The following GLIS3 variants were observed in gnomAD, a reference collection of about 807,000 sequenced individuals.
The protein encoded by GLIS3 is zinc finger protein GLIS3.
Under a neutral mutation model 78.6 loss-of-function variants are expected in GLIS3, and 53 were observed. The observed-to-expected ratio is 0.67, with a 90% CI of 0.54 to 0.85. The LOEUF (loss-of-function observed/expected upper bound fraction) is 0.85. GLIS3 is among the 40% of genes least tolerant of loss of function. The pLI is 0.00. For synonymous variants in GLIS3, 684 were observed against 509.9 expected, an observed-to-expected ratio of 1.34 and a Z score of -4.60; for missense variants, 1,703 against 1,231.1, an observed-to-expected ratio of 1.38 and a Z score of -5.74.
At chr9:3,939,770 G>GA (rs111450488) in intron 4 of GLIS3, among the ~76,000 whole-genome samples, 3,050 of 152,252 alleles carry the variant, frequency 0.02, 99 homozygotes, top group African/African-American at 0.07. Flanking sequence ...AAAGGCAGAA[G>GA]AAGAAAGGCA....
chr9:3,925,094 A>C, intron 6 of GLIS3, among the ~76,000 whole-genome samples: 1 of 152,186 alleles, frequency 6.6e-6, no homozygotes, highest in Non-Finnish European at 1.5e-5. Flanking sequence ...GGGGAATAGA[A>C]ATAAAACTAC....
intron 4 of GLIS3, among the ~76,000 whole-genome samples, chr9:4,092,243 C>T (rs1829580144): frequency 6.6e-6 from 1 of 151,284 alleles, no homozygotes; most frequent in Non-Finnish European, 1.5e-5. Context: ...GCCTCGCCTC[C>T]TGGGTTCACA....
chr9:4,289,188 T>TA (rs1184226875), intron 1 of GLIS3, among the ~76,000 whole-genome samples: 1 of 152,180 alleles, frequency 6.6e-6, no homozygotes, highest in African/African-American at 2.4e-5. Flanking sequence ...TTTCTGGACT[T>TA]ACAGTTTTTC....
Position 3,919,661 on chromosome 9 carries a change from T to A in GLIS3, c.1983+12699A>T, listed in dbSNP as rs891622714. ...GAAGTTAAAAAATAAAAAAAAAAAA[T>A]TAAAAATAAAAAAAAATAATAAAAT... is the stretch of plus-strand genomic sequence containing the variant. On this transcript the variant is annotated intron_variant, in intron 6 of 10. Coordinates refer to ENST00000381971, the MANE Select transcript of GLIS3 (RefSeq NM_001042413.2). Among the ~76,000 whole-genome samples the A allele has an allele frequency of 1.0e-4, 15 of 149,332 alleles. No individual in the cohort carries two copies. The East Asian group carries it at 2.4e-3, about 23-fold the overall frequency.
chr9:4,425,973 T>C, the GLIS3 span, among the ~76,000 whole-genome samples: 316 of 152,190 alleles, frequency 2.1e-3, 1 homozygote, highest in African/African-American at 7.4e-3. Context: ...TTGCAAAGGG[T>C]ATTTGATCAA....
intron 4 of GLIS3, among the ~76,000 whole-genome samples, chr9:4,018,678 G>A (rs1156709557): frequency 6.6e-6 from 1 of 152,126 alleles, no homozygotes; most frequent in Non-Finnish European, 1.5e-5. Context: ...TCTGAGATAT[G>A]ATAGTCCCTT....
intron 6 of GLIS3, among the ~76,000 whole-genome samples, chr9:3,911,714 T>C (rs1359195003): frequency 2.0e-5 from 3 of 152,192 alleles, no homozygotes; most frequent in Non-Finnish European, 4.4e-5. Context: ...GTTTTCTTTG[T>C]AAGATGTGGA....
At chr9:4,354,850 C>G in the GLIS3 span, among the ~76,000 whole-genome samples, 1 of 152,198 alleles carries the variant, frequency 6.6e-6, no homozygotes, top group South Asian at 2.1e-4. Flanking sequence ...GACATGGTGG[C>G]TCATGCCTGT....
chr9:4,387,063 C>G, the GLIS3 span, among the ~76,000 whole-genome samples: 2 of 152,120 alleles, frequency 1.3e-5, no homozygotes, highest in African/African-American at 4.8e-5. Context: ...GCTTGATGGT[C>G]TCTAGGCAAC....
the GLIS3 span, among the ~76,000 whole-genome samples, chr9:4,362,585 T>C: frequency 6.6e-6 from 1 of 152,322 alleles, no homozygotes; most frequent in Middle Eastern, 3.4e-3. Context: ...TTGCTCATGG[T>C]CATGTGTTTG....
intron 2 of GLIS3, among the ~76,000 whole-genome samples, chr9:4,244,868 G>A (rs1823652829): frequency 1.3e-5 from 2 of 152,270 alleles, no homozygotes; most frequent in African/African-American, 2.4e-5. Flanking sequence ...AAGCCACCAT[G>A]CCTGACCACA....
chr9:4,489,492 C>G, the GLIS3 span, among the ~76,000 whole-genome samples: 1 of 152,108 alleles, frequency 6.6e-6, no homozygotes, highest in East Asian at 1.9e-4. Context: ...AAGAAGACCG[C>G]TTACAGCTGC....
chr9:4,425,437 G>T, the GLIS3 span, among the ~76,000 whole-genome samples: 21,653 of 152,192 alleles, frequency 0.14, 1,950 homozygotes, highest in Middle Eastern at 0.22. Flanking sequence ...CCTGCCCTCA[G>T]TCACCTCAGC....
At chr9:4,365,858 CA>C in the GLIS3 span, among the ~76,000 whole-genome samples, 1 of 152,234 alleles carries the variant, frequency 6.6e-6, no homozygotes, top group Non-Finnish European at 1.5e-5. Context: ...TCTTTTAAAA[CA>C]CAACACCCCT....
At chr9:4,135,085 C>A (rs1833301691) in intron 2 of GLIS3, among the ~76,000 whole-genome samples, 1 of 152,020 alleles carries the variant, frequency 6.6e-6, no homozygotes, top group African/African-American at 2.4e-5. Context: ...CCTCATAGAC[C>A]CCAAATTATG....
intron 2 of GLIS3, among the ~76,000 whole-genome samples, chr9:4,202,178 T>G (rs1819464176): frequency 8.2e-6 from 1 of 121,840 alleles, no homozygotes; most frequent in African/African-American, 3.2e-5. Context: ...TGAGACGGAG[T>G]CTTGCTCTGT....
At chr9:4,124,334 C>A (rs980679165) in intron 3 of GLIS3, among the ~76,000 whole-genome samples, 1 of 152,086 alleles carries the variant, frequency 6.6e-6, no homozygotes, top group Non-Finnish European at 1.5e-5. Context: ...GATAATGACC[C>A]CTCTCTGGCC....
intron 9 of GLIS3, among the ~76,000 whole-genome samples, chr9:3,842,022 C>T (rs1269062046): frequency 1.3e-5 from 2 of 152,114 alleles, no homozygotes; most frequent in Non-Finnish European, 2.9e-5. Flanking sequence ...TTTTAAATGC[C>T]CTTGTCTTTC....
the GLIS3 span, among the ~76,000 whole-genome samples, chr9:4,411,150 C>T: frequency 6.6e-6 from 1 of 152,198 alleles, no homozygotes; most frequent in Non-Finnish European, 1.5e-5. Flanking sequence ...ACAATGTCCT[C>T]TTGAATTTTC....
Sources: allele counts gnomAD v4.1 joint callset (sites outside exome capture counted in the v4.1 genomes callset), GRCh38; gene constraint gnomAD v4.1.1; transcripts MANE v1.5; gene names NCBI Gene and HGNC (gene_info 2026-07-23, HGNC 2026-07-21).